The following AHI1 variants were observed in gnomAD, a reference collection of about 807,000 sequenced individuals.
The protein encoded by AHI1 is Abelson helper integration site 1.
A neutral mutation model predicts 149.3 loss-of-function variants in AHI1; 123 were observed. The ratio of observed to expected loss-of-function variants is 0.82; its 90% CI spans 0.71 to 0.96. The LOEUF (loss-of-function observed/expected upper bound fraction) is 0.96, where lower values mean the gene tolerates loss of function less well. Among genes scored for constraint, AHI1 ranks in the 40% least tolerant of loss-of-function variants. AHI1 has a pLI of 0.00. For synonymous variants in AHI1, 475 were observed against 459.8 expected (o/e 1.03, Z -0.42); for missense variants, 1,439 against 1,422.7 (o/e 1.01, Z -0.18).
intron 15 of AHI1, among the ~76,000 whole-genome samples, chr6:135,437,917 TA>T (rs1785648484): frequency 6.6e-6 from 1 of 152,236 alleles, no homozygotes; most frequent in Non-Finnish European, 1.5e-5. Flanking sequence ...CTGAAAAATG[TA>T]AATGTTTAAC....
chr6:135,378,483 G>A (rs932259526), intron 23 of AHI1, among the ~76,000 whole-genome samples: 1 of 152,130 alleles, frequency 6.6e-6, no homozygotes, highest in South Asian at 2.1e-4. Flanking sequence ...TGTTCAAATC[G>A]TATCGTTTGT....
intron 14 of AHI1, among the ~76,000 whole-genome samples, chr6:135,442,370 A>G (rs535091666): frequency 5.3e-5 from 8 of 152,220 alleles, no homozygotes; most frequent in African/African-American, 1.9e-4. Context: ...ACCATCTTTC[A>G]TTTGATCAAT....
chr6:135,484,076 T>TTCC, intron 5 of AHI1, among the ~76,000 whole-genome samples: 2 of 151,818 alleles, frequency 1.3e-5, no homozygotes, highest in African/African-American at 4.9e-5. Flanking sequence ...AGTCACATCT[T>TTCC]ACATGGATGG....
At chr6:135,477,109 C>T (rs539970922) in intron 5 of AHI1, among the ~76,000 whole-genome samples, 18 of 149,206 alleles carry the variant, frequency 1.2e-4, no homozygotes, top group African/African-American at 4.0e-4. Context: ...GGTGTGATCT[C>T]GGCTCACTGC....
intron 28 of AHI1, among the ~76,000 whole-genome samples, chr6:135,288,368 C>T (rs910101916): frequency 6.6e-6 from 1 of 151,944 alleles, no homozygotes. Context: ...GTAGCTGTAA[C>T]TTTGAAACCT....
chr6:135,325,828 G>A (rs530012697), intron 24 of AHI1, among the ~76,000 whole-genome samples: 33 of 152,280 alleles, frequency 2.2e-4, no homozygotes, highest in Non-Finnish European at 4.0e-4. Context: ...GGAGCCCTAG[G>A]TGGCTGCTGG....
rs757832593 is a variant in AHI1, at chr6:135,463,217, T to A, written c.839A>T (p.Asp280Val). The A allele has an allele frequency of 1.9e-6, 3 of 1,610,780 alleles. No individual in the cohort carries two copies. The highest frequency in any genetic ancestry group is 1.7e-6 in the Non-Finnish European group (2 of 1,179,472). Residue 280 changes from aspartate (D) to valine (V), a missense_variant, in exon 8 of 29, where the codon GAT (aspartate) becomes GTT (valine). Physicochemically the swap from Asp to Val is radical, Grantham distance 152. Transcript: ENST00000265602. ...RSVSSDSHQD[D>V]EISSMEQSTE... Reference sequence around the variant, plus strand: ...GCTTTGTTCCATTGAGCTTATTTCATCATCTTGATGAGAATCTGAAGAAAC... The same window carrying A: ...GCTTTGTTCCATTGAGCTTATTTCAACATCTTGATGAGAATCTGAAGAAAC...
At chr6:135,415,900 A>C (rs1255124088) in intron 20 of AHI1, among the ~76,000 whole-genome samples, 1 of 152,184 alleles carries the variant, frequency 6.6e-6, no homozygotes, top group Non-Finnish European at 1.5e-5. Context: ...GAGCCAGATA[A>C]AAAAAGAGTA....
intron 23 of AHI1, among the ~76,000 whole-genome samples, chr6:135,379,654 G>A (rs1045463462): frequency 2.6e-5 from 4 of 152,110 alleles, no homozygotes; most frequent in African/African-American, 7.2e-5. Context: ...CTAGGGATGG[G>A]GCTGAGTTCT....
intron 20 of AHI1, among the ~76,000 whole-genome samples, chr6:135,415,779 G>T (rs1255028270): frequency 6.6e-6 from 1 of 152,040 alleles, no homozygotes; most frequent in Non-Finnish European, 1.5e-5. Flanking sequence ...CAGGTGAATG[G>T]ATAAACAAAC....
At position 135,284,747 on chromosome 6, in the gene AHI1, A is replaced by T. The variant is rs1244697067; in HGVS notation, c.*898T>A. On this transcript the variant is annotated 3_prime_UTR_variant, in exon 29 of 29. Transcript: ENST00000265602. ...GCCAGTCCAGCCAAAAATCACTTTT[A>T]ATTTAGGTCTATGAAGTTACCTATA... 1 of 152,240 alleles carries T rather than the reference A, an allele frequency of 6.6e-6. No homozygotes were observed. The highest frequency in any genetic ancestry group is 1.5e-5 in the Non-Finnish European group (1 of 68,040). The allele number at this position is 152,240 out of a possible 1,614,324, so 9.4% of individuals were successfully genotyped here. A position where few individuals can be genotyped will look rare whatever the true frequency, so the allele number is the denominator to read the frequency against.
At chr6:135,407,987 A>T (rs1781042282) in intron 21 of AHI1, among the ~76,000 whole-genome samples, 2 of 151,918 alleles carry the variant, frequency 1.3e-5, no homozygotes. Flanking sequence ...GTGAGCTGAG[A>T]TCGTGCCACT....
intron 24 of AHI1, among the ~76,000 whole-genome samples, chr6:135,349,902 C>G (rs1217836088): frequency 6.6e-6 from 1 of 152,210 alleles, no homozygotes; most frequent in African/African-American, 2.4e-5. Context: ...ACTCCTTTGT[C>G]AAATGCTAAA....
chr6:135,496,656 T>A (rs1236138607), intron 2 of AHI1, among the ~76,000 whole-genome samples: 1 of 152,198 alleles, frequency 6.6e-6, no homozygotes, highest in Non-Finnish European at 1.5e-5. Context: ...AACCTGATTA[T>A]CAGCCAATAT....
intron 23 of AHI1, among the ~76,000 whole-genome samples, chr6:135,378,499 G>T (rs550244133): frequency 6.6e-6 from 1 of 152,262 alleles, no homozygotes; most frequent in African/African-American, 2.4e-5. Flanking sequence ...TTTGTGACAT[G>T]CTCTATATAT....
chr6:135,354,746 T>C (rs2128430662), intron 24 of AHI1, among the ~76,000 whole-genome samples: 1 of 152,284 alleles, frequency 6.6e-6, no homozygotes, highest in Admixed American at 6.5e-5. Flanking sequence ...TTTCATATAA[T>C]CTAACATCAT....
At chr6:135,363,771 C>A (rs557153174) in intron 23 of AHI1, among the ~76,000 whole-genome samples, 2 of 141,800 alleles carry the variant, frequency 1.4e-5, no homozygotes, top group Non-Finnish European at 3.1e-5. Flanking sequence ...CGGGGGTTGA[C>A]CCCCCCACCT....
At chr6:135,481,302 C>T (rs1434624364) in intron 5 of AHI1, among the ~76,000 whole-genome samples, 1 of 152,206 alleles carries the variant, frequency 6.6e-6, no homozygotes, top group Non-Finnish European at 1.5e-5. Flanking sequence ...AAAACTAAGA[C>T]AGTTGTTAAA....
At chr6:135,376,775 G>A (rs1251640960) in intron 23 of AHI1, among the ~76,000 whole-genome samples, 4 of 150,674 alleles carry the variant, frequency 2.7e-5, no homozygotes, top group South Asian at 4.2e-4. Context: ...CCAGCTACTC[G>A]GGAGGCTGAG....
Sources: gnomAD v4.1 joint callset for allele counts (sites outside exome capture counted in the v4.1 genomes callset) on GRCh38, gnomAD v4.1.1 for gene constraint, MANE v1.5 for transcripts, NCBI Gene and HGNC (gene_info 2026-07-23, HGNC 2026-07-21) for gene names.